Variants in WASF3 observed in about 807,000 individuals in gnomAD.
WASF3 encodes WASP family member 3.
A neutral mutation model predicts 46.6 loss-of-function variants in WASF3; 11 were observed. The observed-to-expected ratio is 0.24, with a 90% CI of 0.15 to 0.39. The LOEUF (loss-of-function observed/expected upper bound fraction) is 0.39. WASF3 is among the 10% of genes least tolerant of loss of function. The pLI is 1.00. For synonymous variants in WASF3, 242 were observed against 259.7 expected, an observed-to-expected ratio of 0.93 and a Z score of 0.65; for missense variants, 576 against 669.8, an observed-to-expected ratio of 0.86 and a Z score of 1.55.
intron 2 of WASF3, among the ~76,000 whole-genome samples, chr13:26,613,893 A>AATTT (rs1881055093): frequency 1.3e-5 from 2 of 152,170 alleles, no homozygotes; most frequent in Admixed American, 6.5e-5. Context: ...GATTTCAGTG[A>AATTT]CCTGTCTTAC....
At chr13:26,668,497 T>C (rs1439899410) in intron 5 of WASF3, among the ~76,000 whole-genome samples, 1 of 152,254 alleles carries the variant, frequency 6.6e-6, no homozygotes, top group East Asian at 1.9e-4. Flanking sequence ...GTGATTCTCC[T>C]GTGAGAACCT....
intron 1 of WASF3, among the ~76,000 whole-genome samples, chr13:26,572,490 T>C (rs1040370429): frequency 6.6e-6 from 1 of 152,248 alleles, no homozygotes; most frequent in Non-Finnish European, 1.5e-5. Context: ...GGCAATTATA[T>C]GACTTTCTTG....
chr13:26,554,771 G>A (rs1055159959), upstream of WASF3, among the ~76,000 whole-genome samples: 2 of 152,162 alleles, frequency 1.3e-5, no homozygotes, highest in African/African-American at 4.8e-5. Context: ...TGGATGTACT[G>A]CAATTTGTTT....
intron 6 of WASF3, among the ~76,000 whole-genome samples, chr13:26,676,168 A>G (rs1342164217): frequency 6.6e-6 from 1 of 152,194 alleles, no homozygotes; most frequent in Non-Finnish European, 1.5e-5. Flanking sequence ...GTCAGTCAAA[A>G]TTGTGTGGTG....
chr13:26,642,349 G>C lies in WASF3; in HGVS notation c.79G>C (p.Glu27Gln). 6.2e-7 allele frequency: 1 copy of C among 1,612,498 alleles called. No homozygotes were observed. The highest frequency in any genetic ancestry group is 8.5e-7 in the Non-Finnish European group (1 of 1,179,440). Residue 27 changes from glutamate to glutamine, a missense_variant, in exon 3 of 10, where the codon GAA (glutamate) becomes CAA (glutamine). This residue lies in a region of WASF3 where 213 missense variants were observed against 278.0 expected (regional missense o/e 0.77). Transcript: ENST00000335327. ...ALPEGITSEL[E>Q]CVTNSTLAAI... ...GCCTGAAGGGATTACCAGCGAACTT[G>C]AATGTGTAACCAATAGTACTCTTGC... is the stretch of plus-strand genomic sequence containing the variant.
chr13:26,669,257 G>C (rs1222367439), intron 5 of WASF3, among the ~76,000 whole-genome samples: 1 of 127,170 alleles, frequency 7.9e-6, no homozygotes, highest in East Asian at 2.3e-4. Flanking sequence ...TGTCGCCCAG[G>C]TTGGAGTGCA....
chr13:26,597,427 G>A (rs1040583719), intron 1 of WASF3, among the ~76,000 whole-genome samples: 5 of 152,264 alleles, frequency 3.3e-5, no homozygotes, highest in South Asian at 2.1e-4. Context: ...GAGCCACCAC[G>A]CCTGGCCCCT....
At chr13:26,619,983 G>A (rs1052147632) in intron 2 of WASF3, among the ~76,000 whole-genome samples, 5 of 152,096 alleles carry the variant, frequency 3.3e-5, no homozygotes, top group Admixed American at 2.6e-4. Context: ...TTTATAATTG[G>A]GACCTGTAGG....
In WASF3 at chr13:26,613,490, C is replaced by T. The variant is rs1010837033; in HGVS notation, c.-11+432C>T. Among the ~76,000 whole-genome samples the T allele has an allele frequency of 3.9e-5, 6 of 152,120 alleles. No homozygotes were observed. In the East Asian group the frequency reaches 1.2e-3, roughly 29 times the overall value. Reference sequence around the variant, plus strand: ...TAAAAACTTAAACCTAATCAGTTGGCCGGACACGGTGGCTCATGCCTGTAA... The same window carrying T: ...TAAAAACTTAAACCTAATCAGTTGGTCGGACACGGTGGCTCATGCCTGTAA... On this transcript the variant is annotated intron_variant, in intron 2 of 9. Coordinates refer to ENST00000335327, the MANE Select transcript of WASF3 (RefSeq NM_006646.6).
At chr13:26,678,828 G>T (rs1883141326) in intron 7 of WASF3, among the ~76,000 whole-genome samples, 1 of 152,134 alleles carries the variant, frequency 6.6e-6, no homozygotes, top group Non-Finnish European at 1.5e-5. Context: ...CTGGGCCCTG[G>T]TGCAGATCTC....
At chr13:26,579,428 T>C (rs927996220) in intron 1 of WASF3, among the ~76,000 whole-genome samples, 7 of 152,190 alleles carry the variant, frequency 4.6e-5, no homozygotes, top group Non-Finnish European at 8.8e-5. Flanking sequence ...GTCCATGAAA[T>C]ATATAGGTGG....
chr13:26,680,694 TTCTG>T (rs1378261794), intron 7 of WASF3, among the ~76,000 whole-genome samples: 1 of 152,246 alleles, frequency 6.6e-6, no homozygotes, highest in Non-Finnish European at 1.5e-5. Context: ...CACTGAAATC[TTCTG>T]TCTTATATCC....
intron 3 of WASF3, among the ~76,000 whole-genome samples, chr13:26,660,194 GTTTTTTTTTTTTTTTTTTTTTTTT>G (rs71080285): frequency 4.6e-5 from 2 of 43,362 alleles, no homozygotes; most frequent in South Asian, 1.9e-3. Flanking sequence ...TTTTTGTTTG[GTTTTTTTTTTTTTTTTTTTTTTTT>G]TTTTTTTTTT....
intron 2 of WASF3, among the ~76,000 whole-genome samples, chr13:26,630,319 C>A (rs763790385): frequency 1.3e-5 from 2 of 152,076 alleles, no homozygotes; most frequent in Non-Finnish European, 2.9e-5. Context: ...AGCCCCCCAA[C>A]CCCCAACAGG....
chr13:26,573,569 G>A (rs1333393844), intron 1 of WASF3, among the ~76,000 whole-genome samples: 2 of 151,964 alleles, frequency 1.3e-5, no homozygotes, highest in African/African-American at 4.8e-5. Flanking sequence ...CAGAAATTCA[G>A]TCATTTGTTT....
intron 1 of WASF3, among the ~76,000 whole-genome samples, chr13:26,564,958 T>C (rs2137143917): frequency 6.7e-6 from 1 of 149,218 alleles, no homozygotes; most frequent in Admixed American, 6.7e-5. Flanking sequence ...GTTAGGATAT[T>C]ACCTAGGCAG....
chr13:26,656,517 A>G (rs1163299660), intron 3 of WASF3, among the ~76,000 whole-genome samples: 1 of 152,154 alleles, frequency 6.6e-6, no homozygotes, highest in Non-Finnish European at 1.5e-5. Flanking sequence ...ACCCCATATT[A>G]CTAACAATCT....
rs546631427 is a variant in WASF3 at position 26,627,880 on chromosome 13, G to A, written c.-10-14381G>A. 3.0e-3 allele frequency among the ~76,000 whole-genome samples: 339 copies of A among 114,416 alleles called. 1 individual carries two copies. The highest frequency in any genetic ancestry group is 0.01 in the Middle Eastern group (2 of 198). 75.1% of individuals were successfully genotyped at this position (114,416 alleles called of 152,430 possible). A position where few individuals can be genotyped will look rare whatever the true frequency, so the allele number is the denominator to read the frequency against. ...GTGCACATGTACCCTAAAACTTAAA[G>A]TATAATAATAAAGAAAAAAAAACCC... On this transcript the variant is annotated intron_variant, in intron 2 of 9. Transcript: ENST00000335327.
intron 5 of WASF3, among the ~76,000 whole-genome samples, chr13:26,669,112 G>A (rs1040559129): frequency 6.7e-6 from 1 of 149,964 alleles, no homozygotes; most frequent in African/African-American, 2.4e-5. Context: ...ATTTATAGTT[G>A]TAGTGATTTA....
Sources: allele counts gnomAD v4.1 joint callset (sites outside exome capture counted in the v4.1 genomes callset), GRCh38; gene constraint gnomAD v4.1.1; regional missense constraint gnomAD v4.1.1; transcripts MANE v1.5; gene names NCBI Gene and HGNC (gene_info 2026-07-23, HGNC 2026-07-21).